Variants in FAM222A observed in about 807,000 individuals in gnomAD.
FAM222A encodes the protein protein FAM222A.
A neutral mutation model predicts 25.8 loss-of-function variants in FAM222A; 7 were observed. That is an observed-to-expected ratio of 0.27 (90% confidence interval 0.15 to 0.51). The LOEUF (loss-of-function observed/expected upper bound fraction) is 0.51. Among genes scored for constraint, FAM222A ranks in the 20% least tolerant of loss-of-function variants. FAM222A has a pLI of 0.97. For synonymous variants in FAM222A, 294 were observed against 298.8 expected, an observed-to-expected ratio of 0.98 and a Z score of 0.17; for missense variants, 573 against 640.5, an observed-to-expected ratio of 0.89 and a Z score of 1.14.
chr12:109,722,283 C>T (rs1949461541), intron 1 of FAM222A, among the ~76,000 whole-genome samples: 1 of 152,172 alleles, frequency 6.6e-6, no homozygotes, highest in African/African-American at 2.4e-5. Context: ...GATGTTTGGA[C>T]TTTGCTTTCC....
intron 1 of FAM222A, among the ~76,000 whole-genome samples, chr12:109,738,370 A>G (rs1172868646): frequency 6.6e-6 from 1 of 152,180 alleles, no homozygotes; most frequent in African/African-American, 2.4e-5. Flanking sequence ...CCAATCCAGC[A>G]TTCATTCTCT....
rs146447254 is a variant in FAM222A, at chr12:109,743,876, G to T, written c.-46-225G>T. The T allele has an allele frequency of 1.7e-4, 165 of 985,426 alleles. 1 individual carries two copies. The East Asian group carries it at 0.017, about 102-fold the overall frequency. 61.0% of individuals were successfully genotyped at this position (985,426 alleles called of 1,614,324 possible). On this transcript the variant is annotated intron_variant, in intron 1 of 2. Coordinates refer to ENST00000538780, the MANE Select transcript of FAM222A (RefSeq NM_032829.3). The stretch of plus-strand genomic sequence containing the variant: ...GGGGCATGTGTGATCCATCAGTCCA[G>T]CCCCCACTCAAGAGCCCTGGATTCT...
chr12:109,730,407 G>A (rs997509420), intron 1 of FAM222A, among the ~76,000 whole-genome samples: 1 of 6,116 alleles, frequency 1.6e-4, no homozygotes, highest in Non-Finnish European at 3.5e-4. Flanking sequence ...CCTGGGGGGC[G>A]GGGGGGGGGG....
chr12:109,717,795 C>G (rs73407735), intron 1 of FAM222A, among the ~76,000 whole-genome samples: 1 of 152,280 alleles, frequency 6.6e-6, no homozygotes, highest in East Asian at 1.9e-4. Flanking sequence ...ACTAATCCTT[C>G]TCACTTATCT....
At chr12:109,744,420 T>C in intron 2 of FAM222A, 192 bp downstream of exon 2, 1 of 985,378 alleles carries the variant, frequency 1.0e-6, no homozygotes, top group South Asian at 4.7e-5. Flanking sequence ...TTTGGCCAGC[T>C]CCTGTGGAGC....
Position 109,769,273 on chromosome 12 carries a change from A to ACCCGTCTACAGATAAGGCCTG in FAM222A, c.1348_*9dup. The stretch of plus-strand genomic sequence containing the variant: ...ACCACCAGCATGCCCACATCCGCCT[A>ACCCGTCTACAGATAAGGCCTG]CCCGTCTACAGATAAGGCCTGCCCT... On this transcript the variant is annotated stop_gained and inframe_insertion, in exon 3 of 3. Transcript: ENST00000538780. LOFTEE classifies it high-confidence loss of function. The ACCCGTCTACAGATAAGGCCTG allele has an allele frequency of 1.2e-6, 2 of 1,609,974 alleles. No homozygotes were observed. Among genetic ancestry groups the ACCCGTCTACAGATAAGGCCTG allele is most frequent in the Non-Finnish European group, 1.7e-6 (2 of 1,178,918 alleles).
chr12:109,744,422 C>T (rs1186966252), intron 2 of FAM222A, 194 bp downstream of exon 2: 2 of 985,344 alleles, frequency 2.0e-6, no homozygotes, highest in African/African-American at 1.7e-5. Flanking sequence ...TGGCCAGCTC[C>T]TGTGGAGCAA....
chr12:109,731,815 CG>C (rs1425758979), intron 1 of FAM222A, among the ~76,000 whole-genome samples: 13 of 152,068 alleles, frequency 8.5e-5, no homozygotes, highest in Admixed American at 2.0e-4. Context: ...GTGAAAAGAG[CG>C]GGGAGAGACC....
chr12:109,716,023 C>T (rs963990572), intron 1 of FAM222A, among the ~76,000 whole-genome samples: 1 of 152,256 alleles, frequency 6.6e-6, no homozygotes, highest in Admixed American at 6.5e-5. Context: ...CAACCTGGAA[C>T]TCCTGATTGC....
intron 2 of FAM222A, among the ~76,000 whole-genome samples, chr12:109,745,260 C>T (rs1888367397): frequency 1.3e-5 from 2 of 152,208 alleles, no homozygotes; most frequent in Non-Finnish European, 2.9e-5. Context: ...CACTGTTTCC[C>T]TTTGTAATCT....
intron 1 of FAM222A, among the ~76,000 whole-genome samples, chr12:109,728,104 A>C (rs1046927522): frequency 2.6e-5 from 4 of 152,172 alleles, no homozygotes; most frequent in African/African-American, 7.2e-5. Context: ...TTGGTACCTA[A>C]GCACACTCGG....
intron 1 of FAM222A, among the ~76,000 whole-genome samples, chr12:109,726,273 T>A (rs1887842481): frequency 6.6e-6 from 1 of 152,172 alleles, no homozygotes; most frequent in South Asian, 2.1e-4. Context: ...GGGCCTCAGT[T>A]TTCCTCATCT....
At chr12:109,737,576 C>A (rs1888120340) in intron 1 of FAM222A, among the ~76,000 whole-genome samples, 1 of 138,106 alleles carries the variant, frequency 7.2e-6, no homozygotes, top group South Asian at 2.3e-4. Flanking sequence ...CCTCCCCAGC[C>A]CCCAACCTTA....
chr12:109,758,948 G>C (rs1319314401), intron 2 of FAM222A, among the ~76,000 whole-genome samples: 1 of 152,208 alleles, frequency 6.6e-6, no homozygotes, highest in Non-Finnish European at 1.5e-5. Flanking sequence ...AAACGACACT[G>C]GGTGAACACC....
chr12:109,741,685 T>C (rs1888244138), intron 1 of FAM222A, among the ~76,000 whole-genome samples: 1 of 152,224 alleles, frequency 6.6e-6, no homozygotes, highest in Admixed American at 6.5e-5. Context: ...GCCAGGACTC[T>C]GGAAGAAAGT....
At chr12:109,748,330 C>CTTTTTTT (rs1410740242) in intron 2 of FAM222A, among the ~76,000 whole-genome samples, 8 of 40,380 alleles carry the variant, frequency 2.0e-4, no homozygotes, top group Non-Finnish European at 2.6e-4. Flanking sequence ...CTTTGGTTTT[C>CTTTTTTT]TTTCTTTTTT....
chr12:109,755,517 A>G (rs968683192), intron 2 of FAM222A, among the ~76,000 whole-genome samples: 5 of 151,486 alleles, frequency 3.3e-5, no homozygotes, highest in Non-Finnish European at 7.4e-5. Flanking sequence ...TAGTACAGAC[A>G]CGGTTTCTCT....
chr12:109,725,695 A>C (rs535215565), intron 1 of FAM222A, among the ~76,000 whole-genome samples: 1 of 151,936 alleles, frequency 6.6e-6, no homozygotes, highest in South Asian at 2.1e-4. Context: ...CATTAAAACT[A>C]TTAGAAGGAA....
intron 2 of FAM222A, among the ~76,000 whole-genome samples, chr12:109,759,775 T>C (rs1400229090): frequency 2.0e-5 from 3 of 152,132 alleles, no homozygotes. Flanking sequence ...CCCTGCAACC[T>C]CTCAAAGGCC....
Sources: allele counts gnomAD v4.1 joint callset (sites outside exome capture counted in the v4.1 genomes callset), GRCh38; gene constraint gnomAD v4.1.1; transcripts MANE v1.5; gene names NCBI Gene and HGNC (gene_info 2026-07-23, HGNC 2026-07-21).